MCC: variants seen among roughly 807,000 people sequenced by gnomAD.
The protein encoded by MCC is colorectal mutant cancer protein.
A neutral mutation model predicts 116.2 loss-of-function variants in MCC; 90 were observed. That is an observed-to-expected ratio of 0.77 (90% CI 0.65 to 0.92). The LOEUF is 0.92. Among genes scored for constraint, MCC ranks in the 40% least tolerant of loss-of-function variants. MCC has a pLI of 0.00. For missense variants in MCC, 1,516 were observed against 1,312.2 expected (o/e 1.16, Z -2.40); for synonymous variants, 578 against 510.5 (o/e 1.13, Z -1.78).
intron 3 of MCC, among the ~76,000 whole-genome samples, chr5:113,155,308 C>T (rs1360251124): frequency 2.0e-5 from 3 of 152,200 alleles, no homozygotes; most frequent in African/African-American, 7.2e-5. Context: ...AGGTCGATTC[C>T]GTATCTTGGC....
intron 1 of MCC, among the ~76,000 whole-genome samples, chr5:113,446,576 A>G (rs1446886451): frequency 6.6e-6 from 1 of 152,224 alleles, no homozygotes; most frequent in African/African-American, 2.4e-5. Flanking sequence ...AATGGTTATT[A>G]TCAAAAAGTC....
chr5:113,111,615 T>C (rs1158856568), intron 6 of MCC, among the ~76,000 whole-genome samples: 1 of 152,246 alleles, frequency 6.6e-6, no homozygotes, highest in Non-Finnish European at 1.5e-5. Context: ...TTTGGGTCTC[T>C]ATTTAGAAAT....
chr5:113,467,537 G>A (rs1002790609), intron 1 of MCC, among the ~76,000 whole-genome samples: 7 of 152,068 alleles, frequency 4.6e-5, no homozygotes, highest in African/African-American at 1.2e-4. Flanking sequence ...TGTTCCATTG[G>A]TCTATATCTC....
At chr5:113,214,531 T>A (rs1262189133) in intron 3 of MCC, among the ~76,000 whole-genome samples, 1 of 152,210 alleles carries the variant, frequency 6.6e-6, no homozygotes, top group East Asian at 1.9e-4. Context: ...TAGGAGGGCA[T>A]GAGATCCTAT....
intron 15 of MCC, among the ~76,000 whole-genome samples, chr5:113,050,900 C>T (rs149569420): frequency 3.6e-4 from 55 of 152,366 alleles, no homozygotes; most frequent in Middle Eastern, 6.8e-3. Context: ...CAGAGAGCCA[C>T]AGCTCAGACC....
At chr5:113,219,769 G>C (rs1763468852) in intron 3 of MCC, among the ~76,000 whole-genome samples, 1 of 152,086 alleles carries the variant, frequency 6.6e-6, no homozygotes, top group African/African-American at 2.4e-5. Context: ...AGTGGACAAG[G>C]TTTAGAGGAG....
chr5:113,057,993 G>C (rs1056978291), intron 14 of MCC, among the ~76,000 whole-genome samples: 17 of 152,142 alleles, frequency 1.1e-4, no homozygotes, highest in Non-Finnish European at 2.9e-5. Flanking sequence ...ATCCTTCCTT[G>C]TAAACCTGGG....
At chr5:113,085,344 G>T (rs1043713685) in intron 8 of MCC, 34 bp from the exon 9 acceptor site, 16 of 1,573,960 alleles carry the variant, frequency 1.0e-5, no homozygotes, top group Non-Finnish European at 1.3e-5. Flanking sequence ...ATAGTTGGTG[G>T]TTTCCCTGGC....
At chr5:113,145,701 G>C (rs1431311793) in intron 4 of MCC, among the ~76,000 whole-genome samples, 1 of 150,392 alleles carries the variant, frequency 6.6e-6, no homozygotes, top group African/African-American at 2.4e-5. Flanking sequence ...TCTGCCTATG[G>C]AGTGGCCATT....
At chr5:113,229,940 A>T (rs536725099) in intron 3 of MCC, among the ~76,000 whole-genome samples, 1 of 152,324 alleles carries the variant, frequency 6.6e-6, no homozygotes, top group Admixed American at 6.5e-5. Flanking sequence ...CACATTTCTC[A>T]AAATGTATCC....
chr5:113,385,726 T>C (rs886196097), intron 1 of MCC, among the ~76,000 whole-genome samples: 14 of 152,214 alleles, frequency 9.2e-5, no homozygotes, highest in Non-Finnish European at 1.2e-4. Flanking sequence ...TAATCTTGAC[T>C]TTCGTGGTTC....
intron 2 of MCC, among the ~76,000 whole-genome samples, chr5:113,355,706 G>C (rs960318463): frequency 6.6e-6 from 1 of 151,990 alleles, no homozygotes; most frequent in Non-Finnish European, 1.5e-5. Flanking sequence ...GCAAGGTCAA[G>C]CTCTGCAGTG....
At chr5:113,064,808 C>A (rs1025786202) in intron 13 of MCC, among the ~76,000 whole-genome samples, 6 of 152,180 alleles carry the variant, frequency 3.9e-5, no homozygotes, top group African/African-American at 1.2e-4. Flanking sequence ...GGCACTCGCA[C>A]AGACCAGGCA....
At chr5:113,062,436 G>C (rs58005325) in intron 14 of MCC, among the ~76,000 whole-genome samples, 2,439 of 152,222 alleles carry the variant, frequency 0.016, 81 homozygotes, top group African/African-American at 0.056. Flanking sequence ...ATTCTTTTTG[G>C]GGGTAGGGAG....
chr5:113,217,383 A>G (rs1763364291), intron 3 of MCC, among the ~76,000 whole-genome samples: 1 of 152,206 alleles, frequency 6.6e-6, no homozygotes, highest in South Asian at 2.1e-4. Context: ...TGAAGAGTAG[A>G]CATTTTGATA....
At chr5:113,207,416 A>G (rs1762955849) in intron 3 of MCC, among the ~76,000 whole-genome samples, 1 of 132,896 alleles carries the variant, frequency 7.5e-6, no homozygotes. Flanking sequence ...GAAGGCTATT[A>G]AGAGAGCAAG....
intron 3 of MCC, among the ~76,000 whole-genome samples, chr5:113,156,442 G>T (rs1391000590): frequency 6.6e-6 from 1 of 152,154 alleles, no homozygotes; most frequent in Non-Finnish European, 1.5e-5. Context: ...ACCTTCTCAG[G>T]CAGACCAAGC....
At chr5:113,482,047 A>G (rs965386501) in intron 1 of MCC, among the ~76,000 whole-genome samples, 1 of 152,214 alleles carries the variant, frequency 6.6e-6, no homozygotes, top group African/African-American at 2.4e-5. Context: ...TCTTTCACTT[A>G]GCATTAATGT....
intron 3 of MCC, among the ~76,000 whole-genome samples, chr5:113,201,471 T>G (rs1762678514): frequency 6.6e-6 from 1 of 151,270 alleles, no homozygotes; most frequent in Non-Finnish European, 1.5e-5. Context: ...GGGCCCCAAG[T>G]CAGATGAAGT....
Sources: gnomAD v4.1 joint callset for allele counts (sites outside exome capture counted in the v4.1 genomes callset) on GRCh38, gnomAD v4.1.1 for gene constraint, MANE v1.5 for transcripts, NCBI Gene and HGNC (gene_info 2026-07-23, HGNC 2026-07-21) for gene names.